The following PRKN variants were observed in gnomAD, a reference collection of about 807,000 sequenced individuals.
PRKN encodes E3 ubiquitin-protein ligase parkin.
PRKN carries 56 observed loss-of-function variants against 59.5 expected under a neutral mutation model. That is an observed-to-expected ratio of 0.94 (90% confidence interval 0.76 to 1.18). PRKN has a LOEUF of 1.18. PRKN is among the 50% of genes most tolerant of loss of function. The pLI is 0.00. For synonymous variants in PRKN, 250 were observed against 222.1 expected, an observed-to-expected ratio of 1.13 and a Z score of -1.12; for missense variants, 657 against 596.4, an observed-to-expected ratio of 1.10 and a Z score of -1.06.
rs1785817941 is a variant in PRKN at position 161,378,376 on chromosome 6, C to T, written c.1167+8418G>A. Among the ~76,000 whole-genome samples, 1 of 152,158 alleles carries T rather than the reference C, an allele frequency of 6.6e-6. No homozygotes were observed. The highest frequency in any genetic ancestry group is 2.4e-5 in the African/African-American group (1 of 41,440). On this transcript the variant is annotated intron_variant, in intron 10 of 11. Coordinates refer to ENST00000366898, the MANE Select transcript of PRKN (RefSeq NM_004562.3). The surrounding 1 kb of genome is among the most constrained non-coding windows in gnomAD (Gnocchi z 7.3). Reference sequence around the variant, plus strand: ...CCAGCTCGGGCATCCCCCCATCTGCCACACCGCCAACATTCAACCTGCCGG... The same window carrying T: ...CCAGCTCGGGCATCCCCCCATCTGCTACACCGCCAACATTCAACCTGCCGG...
intron 2 of PRKN, among the ~76,000 whole-genome samples, chr6:162,327,544 T>A (rs1783350897): frequency 6.7e-6 from 1 of 148,526 alleles, no homozygotes; most frequent in African/African-American, 2.5e-5. Context: ...ACAGTTTCAA[T>A]GTTAGGTTTT....
chr6:161,625,830 G>A (rs1311057922), intron 7 of PRKN, among the ~76,000 whole-genome samples: 1 of 152,058 alleles, frequency 6.6e-6, no homozygotes, highest in African/African-American at 2.4e-5. Flanking sequence ...GCCTCCTTAG[G>A]TTTATTGATA....
rs1791423603 is a variant in PRKN, at chr6:162,466,533, G to C, written c.8-23060C>G. ...CCCACCTCACCCTCAAGAGTAAGCA[G>C]GACAATAGGCATGTGCCACTACACA... On this transcript the variant is annotated intron_variant, in intron 1 of 11. Coordinates refer to ENST00000366898, the MANE Select transcript of PRKN (RefSeq NM_004562.3). Among the ~76,000 whole-genome samples, 5 of 152,058 alleles carry C rather than the reference G, an allele frequency of 3.3e-5. No individual in the cohort carries two copies. In the South Asian group the frequency reaches 8.3e-4, roughly 25 times the overall value.
At chr6:161,629,634 C>A (rs930369883) in intron 7 of PRKN, among the ~76,000 whole-genome samples, 1 of 152,132 alleles carries the variant, frequency 6.6e-6, no homozygotes, top group Admixed American at 6.5e-5. Context: ...CCCTGAACCA[C>A]GGACGCTTTT....
At chr6:161,512,631 C>G (rs1017551888) in intron 9 of PRKN, among the ~76,000 whole-genome samples, 18 of 152,064 alleles carry the variant, frequency 1.2e-4, no homozygotes, top group Non-Finnish European at 1.5e-5. Flanking sequence ...AACTCTGCAC[C>G]CAAAATAACC....
chr6:161,402,751 G>A lies in PRKN; in HGVS notation c.1084-15874C>T, dbSNP rs1787105193. 6.6e-6 allele frequency among the ~76,000 whole-genome samples: 1 copy of A among 152,040 alleles called. No homozygotes were observed. On this transcript the variant is annotated intron_variant, in intron 9 of 11. Coordinates refer to ENST00000366898, the MANE Select transcript of PRKN (RefSeq NM_004562.3). This position sits in a 1 kb window ranked among gnomAD's most constrained non-coding sequence, Gnocchi z 4.5. ...GGCTTGGGGATTCTTGTGAGGGGGA[G>A]GAGGTTAGAGGAGGGCAAGGAGAGG...
In PRKN at chr6:161,440,044, G is replaced by A. The variant is rs902809827; in HGVS notation, c.1084-53167C>T. 2.0e-5 allele frequency among the ~76,000 whole-genome samples: 3 copies of A among 151,366 alleles called. No individual in the cohort carries two copies. Among genetic ancestry groups the A allele is most frequent in the Admixed American group, 6.6e-5 (1 of 15,162 alleles). Reference sequence around the variant, plus strand: ...CGGCTCACTGCAAGCTCCACCTCCCGGGTTCATGCTACTCTCCTGCCTCAG... The same window carrying A: ...CGGCTCACTGCAAGCTCCACCTCCCAGGTTCATGCTACTCTCCTGCCTCAG... On this transcript the variant is annotated intron_variant, in intron 9 of 11. Transcript: ENST00000366898. This position sits in a 1 kb window ranked among gnomAD's most constrained non-coding sequence, Gnocchi z 4.1.
At chr6:161,367,692 A>C (rs1454508126) in intron 10 of PRKN, among the ~76,000 whole-genome samples, 2 of 152,126 alleles carry the variant, frequency 1.3e-5, no homozygotes, top group African/African-American at 2.4e-5. Flanking sequence ...CTGTGTAGGC[A>C]TGGCGCTGGG....
At chr6:162,632,629 T>C (rs951675403) in intron 1 of PRKN, among the ~76,000 whole-genome samples, 1 of 151,948 alleles carries the variant, frequency 6.6e-6, no homozygotes. Context: ...ACACATGTAC[T>C]CCTGTATCTA....
At chr6:161,482,626 T>C (rs932512217) in intron 9 of PRKN, among the ~76,000 whole-genome samples, 1 of 152,196 alleles carries the variant, frequency 6.6e-6, no homozygotes, top group Non-Finnish European at 1.5e-5. Context: ...CAGGGAAGCA[T>C]GAAGAATGCT....
At chr6:161,617,107 T>C (rs933817037) in intron 7 of PRKN, among the ~76,000 whole-genome samples, 3 of 152,214 alleles carry the variant, frequency 2.0e-5, no homozygotes, top group Admixed American at 2.0e-4. Flanking sequence ...CCATTCTAAT[T>C]GGTGTGAGAT....
chr6:161,953,304 T>C (rs1022498861), intron 6 of PRKN, among the ~76,000 whole-genome samples: 2 of 151,632 alleles, frequency 1.3e-5, no homozygotes, highest in African/African-American at 4.9e-5. Flanking sequence ...AAAGACGGGG[T>C]TTCACCATGA....
At chr6:161,733,791 T>TATATATATATATATATATACAC (rs1554298479) in intron 7 of PRKN, among the ~76,000 whole-genome samples, 1 of 66,942 alleles carries the variant, frequency 1.5e-5, no homozygotes, top group African/African-American at 6.2e-5. Flanking sequence ...AAAATATATA[T>TATATATATATATATATATACAC]ATATATGTAT....
intron 1 of PRKN, among the ~76,000 whole-genome samples, chr6:162,587,496 C>T (rs1294310928): frequency 6.6e-6 from 1 of 152,136 alleles, no homozygotes; most frequent in Admixed American, 6.5e-5. Flanking sequence ...ACTAGTCTCA[C>T]TTCTTGACCT....
chr6:161,591,011 TA>T (rs1781702036), intron 7 of PRKN, among the ~76,000 whole-genome samples: 1 of 152,208 alleles, frequency 6.6e-6, no homozygotes, highest in Admixed American at 6.5e-5. Context: ...GCATCAATGC[TA>T]ATTTCCTGAC....
intron 1 of PRKN, among the ~76,000 whole-genome samples, chr6:162,631,730 T>C (rs1246376680): frequency 1.3e-5 from 2 of 152,148 alleles, no homozygotes; most frequent in Non-Finnish European, 2.9e-5. Context: ...CTTGTTGCAA[T>C]TGCTTTTGGG....
At chr6:162,070,723 A>G (rs1194258609) in intron 4 of PRKN, among the ~76,000 whole-genome samples, 3 of 152,052 alleles carry the variant, frequency 2.0e-5, no homozygotes, top group Non-Finnish European at 2.9e-5. Context: ...GGAGCGTGCA[A>G]CCTAGATCCC....
intron 7 of PRKN, among the ~76,000 whole-genome samples, chr6:161,630,684 C>T (rs922565235): frequency 6.6e-6 from 1 of 152,106 alleles, no homozygotes. Context: ...CAGGCATCCA[C>T]GGTTTTCTCT....
At chr6:162,685,481 G>A (rs1038396271) in intron 1 of PRKN, among the ~76,000 whole-genome samples, 1 of 151,820 alleles carries the variant, frequency 6.6e-6, no homozygotes, top group African/African-American at 2.4e-5. Flanking sequence ...GGAAAATGTC[G>A]TAGTACAAAG....
Sources: gnomAD v4.1 joint callset for allele counts (sites outside exome capture counted in the v4.1 genomes callset) on GRCh38, gnomAD v4.1.1 for gene constraint, Gnocchi (gnomAD v3.1) non-coding constraint, MANE v1.5 for transcripts, NCBI Gene and HGNC (gene_info 2026-07-23, HGNC 2026-07-21) for gene names.